The following SSH2 variants were observed in gnomAD, a reference collection of about 807,000 sequenced individuals.
SSH2 encodes the protein protein phosphatase Slingshot homolog 2.
In SSH2, 37 loss-of-function variants were observed where a neutral mutation model predicts 135.2. The ratio of observed to expected loss-of-function variants is 0.27; its 90% CI spans 0.21 to 0.36. SSH2 has a LOEUF of 0.36. Ranked by LOEUF, SSH2 falls within the 10% of genes least tolerant of loss-of-function variation. The pLI is 1.00. For synonymous variants in SSH2, 628 were observed against 646.2 expected (o/e 0.97, Z 0.43); for missense variants, 1,408 against 1,765.3 (o/e 0.80, Z 3.63).
intron 1 of SSH2, among the ~76,000 whole-genome samples, chr17:29,896,745 T>A (rs1341160628): frequency 6.6e-6 from 1 of 151,712 alleles, no homozygotes; most frequent in Non-Finnish European, 1.5e-5. Context: ...AAATATTCAT[T>A]CTCAACCTAT....
chr17:29,724,128 A>G (rs949647068), intron 3 of SSH2, among the ~76,000 whole-genome samples: 2 of 152,192 alleles, frequency 1.3e-5, no homozygotes, highest in Non-Finnish European at 2.9e-5. Flanking sequence ...AATTTAATCA[A>G]CTAGATACAG....
chr17:29,926,375 C>CA (rs71360725), intron 1 of SSH2, among the ~76,000 whole-genome samples: 209 of 123,236 alleles, frequency 1.7e-3, no homozygotes, highest in South Asian at 4.3e-3. Flanking sequence ...CCCATCTCTA[C>CA]AAAAAAAAAA....
At chr17:29,651,786 T>C (rs1261786061) in intron 12 of SSH2, among the ~76,000 whole-genome samples, 1 of 152,240 alleles carries the variant, frequency 6.6e-6, no homozygotes, top group African/African-American at 2.4e-5. Context: ...CAGACACGAA[T>C]TGAATCTGTT....
intron 2 of SSH2, among the ~76,000 whole-genome samples, chr17:29,810,342 A>G (rs958247149): frequency 5.3e-5 from 8 of 152,256 alleles, no homozygotes; most frequent in African/African-American, 1.7e-4. Flanking sequence ...AATGTTGTCA[A>G]TAATAATCAT....
At chr17:29,814,378 A>C (rs1255165659) in intron 2 of SSH2, among the ~76,000 whole-genome samples, 1 of 130,896 alleles carries the variant, frequency 7.6e-6, no homozygotes, top group East Asian at 2.6e-4. Flanking sequence ...GCTTGCAGTG[A>C]GTGGAGATTA....
At chr17:29,643,374 G>T in intron 14 of SSH2, 2 of 580,076 alleles carry the variant, frequency 3.4e-6, no homozygotes, top group Non-Finnish European at 4.3e-6. Context: ...TTCAGGAAAT[G>T]TGGCACTTCC....
At chr17:29,697,587 C>G (rs1294307435) in intron 4 of SSH2, among the ~76,000 whole-genome samples, 1 of 151,990 alleles carries the variant, frequency 6.6e-6, no homozygotes, top group Admixed American at 6.6e-5. Flanking sequence ...GGCTAGTGAG[C>G]TATGATCATG....
chr17:29,786,242 T>C (rs899711260), intron 3 of SSH2, among the ~76,000 whole-genome samples: 1 of 152,344 alleles, frequency 6.6e-6, no homozygotes, highest in East Asian at 1.9e-4. Flanking sequence ...GACCAAATAG[T>C]GAGACAAACA....
intron 2 of SSH2, among the ~76,000 whole-genome samples, chr17:29,800,617 A>G (rs2042233248): frequency 6.6e-6 from 1 of 152,004 alleles, no homozygotes; most frequent in Non-Finnish European, 1.5e-5. Flanking sequence ...GAGAATATCT[A>G]AATTAAATAA....
At chr17:29,876,026 T>C (rs1599128631) in intron 1 of SSH2, among the ~76,000 whole-genome samples, 1 of 144,794 alleles carries the variant, frequency 6.9e-6, no homozygotes, top group Non-Finnish European at 1.5e-5. Flanking sequence ...TGTTCATGGA[T>C]TGGAAGAATC....
At chr17:29,906,037 G>A (rs1291101510) in intron 1 of SSH2, among the ~76,000 whole-genome samples, 1 of 152,178 alleles carries the variant, frequency 6.6e-6, no homozygotes, top group Admixed American at 6.5e-5. Flanking sequence ...ACAGAGGGGA[G>A]CTACCCACTG....
chr17:29,647,211 G>A (rs1352501848), intron 14 of SSH2, among the ~76,000 whole-genome samples: 1 of 151,146 alleles, frequency 6.6e-6, no homozygotes. Flanking sequence ...GCTGTGAGCC[G>A]AGATCGCGCC....
intron 5 of SSH2, among the ~76,000 whole-genome samples, chr17:29,690,873 TCA>T (rs1281025832): frequency 6.6e-6 from 1 of 152,018 alleles, no homozygotes; most frequent in African/African-American, 2.4e-5. Flanking sequence ...TCTATTTTTA[TCA>T]CATTTTCGTA....
chr17:29,630,192 A>G lies in SSH2; in HGVS notation c.*649T>C, dbSNP rs562271691. 6.6e-6 allele frequency: 1 copy of G among 152,338 alleles called. No individual in the cohort carries two copies. The highest frequency in any genetic ancestry group is 2.1e-4 in the South Asian group (1 of 4,832). 9.4% of individuals were successfully genotyped at this position (152,338 alleles called of 1,614,324 possible). A position where few individuals can be genotyped will look rare whatever the true frequency, so the allele number is the denominator to read the frequency against. On this transcript the variant is annotated 3_prime_UTR_variant, in exon 16 of 16. Coordinates refer to ENST00000540801, the MANE Select transcript of SSH2 (RefSeq NM_001282129.2). ...TTGGGGTCCTGTTTTAATTTCAAAAATAATTTTCTTGGGAAAAAAACTATA... is the reference window on the plus strand; with the variant it reads ...TTGGGGTCCTGTTTTAATTTCAAAAGTAATTTTCTTGGGAAAAAAACTATA...
At chr17:29,682,469 C>T (rs2038025678) in intron 6 of SSH2, among the ~76,000 whole-genome samples, 1 of 152,116 alleles carries the variant, frequency 6.6e-6, no homozygotes, top group Non-Finnish European at 1.5e-5. Flanking sequence ...ATTGAAATTT[C>T]ATTTAATTTT....
In SSH2 at chr17:29,648,163, G is replaced by C; in HGVS notation, c.1408C>G (p.Gln470Glu). 1 of 1,613,966 alleles carries C rather than the reference G, an allele frequency of 6.2e-7. No individual in the cohort carries two copies. The highest frequency in any genetic ancestry group is 8.5e-7 in the Non-Finnish European group (1 of 1,180,026). ...PSFMRQLEEY[Q>E]GILLASKQRH... ...ACTCACCTTGCCAGCAAGATCCCCTGATACTCTTCCAGTTGTCTCATGAAG... is the reference window on the plus strand; with the variant it reads ...ACTCACCTTGCCAGCAAGATCCCCTCATACTCTTCCAGTTGTCTCATGAAG... The change falls in exon 14 of 16, where the codon CAG becomes GAG. Residue 470 changes from glutamine to glutamate, a missense_variant. By Grantham distance (29) the Gln-to-Glu change is conservative. This residue lies in a region of SSH2 where 106 missense variants were observed against 265.2 expected (regional missense o/e 0.40). Coordinates refer to ENST00000540801, the MANE Select transcript of SSH2 (RefSeq NM_001282129.2).
In SSH2 at chr17:29,913,356, A is replaced by AAAAAAAAAAAAAT. The variant is rs1567650094; in HGVS notation, c.63+16581_63+16582insATTTTTTTTTTTT. Among the ~76,000 whole-genome samples, 3 of 71,022 alleles carry AAAAAAAAAAAAAT rather than the reference A, an allele frequency of 4.2e-5. 1 individual carries two copies. Among genetic ancestry groups the AAAAAAAAAAAAAT allele is most frequent in the Non-Finnish European group, 8.1e-5 (3 of 37,210 alleles). The allele number at this position is 71,022 out of a possible 152,430, so 46.6% of individuals were successfully genotyped here. On this transcript the variant is annotated intron_variant, in intron 1 of 15. Coordinates refer to ENST00000540801, the MANE Select transcript of SSH2 (RefSeq NM_001282129.2). Reference sequence around the variant, plus strand: ...AAAAAAAAAAAAAAAAAATATATATATATATATATATATATATATATATAT... The same window carrying AAAAAAAAAAAAAT: ...AAAAAAAAAAAAAAAAAATATATATAAAAAAAAAAAAATTATATATATATATATATATATATAT...
rs1053264767 is a variant in SSH2 at position 29,736,507 on chromosome 17, G to A, written c.189-33445C>T. ...AGTTACTATAAAGGCTAATTTTTCG[G>A]TTGGGCGCGGTGGCTCACGCCTATA... On this transcript the variant is annotated intron_variant, in intron 3 of 15. Transcript: ENST00000540801. 7.9e-5 allele frequency among the ~76,000 whole-genome samples: 12 copies of A among 152,290 alleles called. 1 individual carries two copies. The highest frequency in any genetic ancestry group is 7.8e-4 in the Admixed American group (12 of 15,302).
chr17:29,810,639 C>T (rs1032478898), intron 2 of SSH2, among the ~76,000 whole-genome samples: 1 of 152,200 alleles, frequency 6.6e-6, no homozygotes. Flanking sequence ...CTTAATCATA[C>T]ACTAAATATT....
Sources: gnomAD v4.1 joint callset for allele counts (sites outside exome capture counted in the v4.1 genomes callset) on GRCh38, gnomAD v4.1.1 for gene constraint, gnomAD v4.1.1 regional missense constraint, MANE v1.5 for transcripts, NCBI Gene and HGNC (gene_info 2026-07-23, HGNC 2026-07-21) for gene names.